The following RRP15 variants were observed in gnomAD, a reference collection of about 807,000 sequenced individuals.
RRP15 encodes RRP15-like protein.
A neutral mutation model predicts 27.1 loss-of-function variants in RRP15; 18 were observed. The ratio of observed to expected loss-of-function variants is 0.66; its 90% CI spans 0.46 to 0.98. The LOEUF is 0.98. Among genes scored for constraint, RRP15 ranks in the 50% least tolerant of loss-of-function variants. RRP15 has a pLI of 0.00. For synonymous variants in RRP15, 107 were observed against 109.4 expected (o/e 0.98, Z 0.14); for missense variants, 359 against 337.8 (o/e 1.06, Z -0.49).
At position 218,331,048 on chromosome 1, in the gene RRP15, C is replaced by T; in HGVS notation, c.806C>T (p.Pro269Leu). 1 of 1,613,322 alleles carries T rather than the reference C, an allele frequency of 6.2e-7. No individual in the cohort carries two copies. The highest frequency in any genetic ancestry group is 1.1e-5 in the South Asian group (1 of 90,998). The change falls in exon 5 of 5, where the codon CCA (proline) becomes CTA (leucine). Residue 269 changes from proline (P) to leucine (L), a missense_variant. Transcript: ENST00000366932. ...MKDWDKESDGPDDSRPESASD... is the reference protein window; with the variant it reads ...MKDWDKESDGLDDSRPESASD... ...GACTGGGACAAGGAAAGTGATGGGC[C>T]AGATGACAGCAGACCAGAATCTGCA...
chr1:218,302,262 G>A (rs572702366), intron 1 of RRP15, 32 bp from the exon 2 acceptor site: 7 of 1,574,698 alleles, frequency 4.4e-6, no homozygotes, highest in Non-Finnish European at 6.1e-6. Context: ...GGATATTAAA[G>A]TTTAATTTGC....
intron 4 of RRP15, among the ~76,000 whole-genome samples, chr1:218,318,747 T>C (rs986773801): frequency 1.1e-4 from 16 of 152,058 alleles, no homozygotes; most frequent in African/African-American, 3.4e-4. Flanking sequence ...AAATACTTTT[T>C]TTTTTTTTAT....
chr1:218,319,894 C>T (rs1295014314), intron 4 of RRP15, among the ~76,000 whole-genome samples: 1 of 151,792 alleles, frequency 6.6e-6, no homozygotes, highest in Non-Finnish European at 1.5e-5. Flanking sequence ...ATAAAATGTG[C>T]TTTAAGAGAC....
intron 4 of RRP15, among the ~76,000 whole-genome samples, chr1:218,315,532 A>G (rs1400500930): frequency 6.6e-6 from 1 of 152,028 alleles, no homozygotes; most frequent in Non-Finnish European, 1.5e-5. Flanking sequence ...GGTTCAAGCA[A>G]TTCTCATGCC....
intron 4 of RRP15, among the ~76,000 whole-genome samples, chr1:218,308,188 C>G (rs1571800512): frequency 6.7e-6 from 1 of 148,284 alleles, no homozygotes; most frequent in East Asian, 2.1e-4. Flanking sequence ...TCTCTTGCCT[C>G]AGCCTCCTGA....
At chr1:218,308,452 G>A (rs887841328) in intron 4 of RRP15, among the ~76,000 whole-genome samples, 8 of 151,826 alleles carry the variant, frequency 5.3e-5, no homozygotes, top group African/African-American at 1.9e-4. Context: ...TATTGTTGTC[G>A]TTTTAAAAAA....
chr1:218,328,379 T>C (rs944932870), intron 4 of RRP15, among the ~76,000 whole-genome samples: 3 of 152,154 alleles, frequency 2.0e-5, no homozygotes, highest in African/African-American at 4.8e-5. Context: ...TAAAGTTTTG[T>C]GGGCTGGGCA....
At chr1:218,293,371 A>G (rs914945835) in intron 1 of RRP15, among the ~76,000 whole-genome samples, 1 of 152,358 alleles carries the variant, frequency 6.6e-6, no homozygotes, top group East Asian at 1.9e-4. Flanking sequence ...AGGTAGTTGT[A>G]TACATGTGGT....
rs1656455565 is a variant in RRP15, at chr1:218,336,715, CAAT to C, written c.*5629_*5631del. 6.6e-6 allele frequency: 1 copy of C among 152,236 alleles called. No individual in the cohort carries two copies. Among genetic ancestry groups the C allele is most frequent in the Non-Finnish European group, 1.5e-5 (1 of 68,026 alleles). The allele number at this position is 152,236 out of a possible 1,614,324, so 9.4% of individuals were successfully genotyped here. ...GCATAACATCAAGACTGTTTCTACA[CAAT>C]AATATTTGTCTTTGTACAGCAACAC... On this transcript the variant is annotated 3_prime_UTR_variant, in exon 5 of 5. Coordinates refer to ENST00000366932, the MANE Select transcript of RRP15 (RefSeq NM_016052.4).
chr1:218,290,156 T>TA (rs1655616113), intron 1 of RRP15, among the ~76,000 whole-genome samples: 1 of 152,194 alleles, frequency 6.6e-6, no homozygotes, highest in African/African-American at 2.4e-5. Flanking sequence ...GGTGTTTTTT[T>TA]TAAAAAAAAT....
chr1:218,308,391 A>G (rs964451408), intron 4 of RRP15, among the ~76,000 whole-genome samples: 2 of 151,696 alleles, frequency 1.3e-5, no homozygotes, highest in Non-Finnish European at 2.9e-5. Context: ...TTTTTAATGT[A>G]CCAGGTGAAA....
chr1:218,327,293 G>A (rs1478950644), intron 4 of RRP15, among the ~76,000 whole-genome samples: 1 of 152,040 alleles, frequency 6.6e-6, no homozygotes, highest in Non-Finnish European at 1.5e-5. Context: ...GAGTCATTCT[G>A]CTGCCTTTAA....
At chr1:218,306,420 G>C (rs973129318) in intron 3 of RRP15, among the ~76,000 whole-genome samples, 1 of 152,078 alleles carries the variant, frequency 6.6e-6, no homozygotes, top group Admixed American at 6.5e-5. Flanking sequence ...CTTTGTCGGG[G>C]GGAGATGTTA....
At chr1:218,303,582 A>G (rs368039888) in intron 2 of RRP15, among the ~76,000 whole-genome samples, 3 of 152,304 alleles carry the variant, frequency 2.0e-5, no homozygotes, top group African/African-American at 7.2e-5. Context: ...TATCTGGCAA[A>G]TGCTAGAAGA....
intron 1 of RRP15, chr1:218,301,716 A>C (rs1266521800): frequency 6.6e-6 from 1 of 152,186 alleles, no homozygotes; most frequent in Non-Finnish European, 1.5e-5. Context: ...TTTTCCAAAA[A>C]TGTTAAAATG....
chr1:218,320,326 T>C (rs1339970462), intron 4 of RRP15, among the ~76,000 whole-genome samples: 2 of 151,950 alleles, frequency 1.3e-5, no homozygotes, highest in African/African-American at 4.8e-5. Flanking sequence ...TTTTTTGTTC[T>C]TGCGATAGTT....
At chr1:218,314,990 C>CAA (rs76826029) in intron 4 of RRP15, among the ~76,000 whole-genome samples, 41 of 61,750 alleles carry the variant, frequency 6.6e-4, no homozygotes, top group Admixed American at 1.4e-3. Flanking sequence ...GGCTCCATCT[C>CAA]AAAAAAAAAA....
intron 2 of RRP15, among the ~76,000 whole-genome samples, chr1:218,303,097 C>G (rs1473136149): frequency 6.6e-6 from 1 of 152,024 alleles, no homozygotes; most frequent in South Asian, 2.1e-4. Flanking sequence ...TAGGTATAAT[C>G]TATTAATTAA....
rs1439699605 is a variant in RRP15, at chr1:218,331,046, G to C, written c.804G>C (p.Gly268=). 2 of 1,613,406 alleles carry C rather than the reference G, an allele frequency of 1.2e-6. No homozygotes were observed. The highest frequency in any genetic ancestry group is 1.7e-6 in the Non-Finnish European group (2 of 1,179,640). The change falls in exon 5 of 5, where the codon GGG becomes GGC. Residue 268 remains glycine (G), a synonymous_variant. Transcript: ENST00000366932. ...SMKDWDKESD[G]PDDSRPESAS... ...AAGACTGGGACAAGGAAAGTGATGG[G>C]CCAGATGACAGCAGACCAGAATCTG...
Sources: gnomAD v4.1 joint callset for allele counts (sites outside exome capture counted in the v4.1 genomes callset) on GRCh38, gnomAD v4.1.1 for gene constraint, MANE v1.5 for transcripts, NCBI Gene and HGNC (gene_info 2026-07-23, HGNC 2026-07-21) for gene names.